The following PLB1 variants were observed in gnomAD, a reference collection of about 807,000 sequenced individuals.
PLB1 encodes the protein phospholipase B1, also known as phospholipase B1, membrane-associated.
A neutral mutation model predicts 227.4 loss-of-function variants in PLB1; 242 were observed. That is an observed-to-expected ratio of 1.06 (90% CI 0.96 to 1.18). The LOEUF (loss-of-function observed/expected upper bound fraction) is 1.18. Ranked by LOEUF, PLB1 falls within the 50% of genes most tolerant of loss-of-function variation. PLB1 has a pLI of 0.00. For missense variants in PLB1, 1,858 were observed against 1,816.3 expected (o/e 1.02, Z -0.42); for synonymous variants, 757 against 682.2 (o/e 1.11, Z -1.71).
Position 28,579,674 on chromosome 2 carries a change from C to G in PLB1, c.1533C>G (p.Gly511=), listed in dbSNP as rs112426230. Residue 511 remains glycine (G), a synonymous_variant, in exon 23 of 58, where the codon GGC becomes GGG. Transcript: ENST00000327757. ...GGAAGATAATAACCCTGTTTATAGG[C>G]GGCAATGACCTCTGTGATTTCTGCA... ...EDWKIITLFI[G]GNDLCDFCND... 2 of 1,613,286 alleles carry G rather than the reference C, an allele frequency of 1.2e-6. No individual in the cohort carries two copies. Among genetic ancestry groups the G allele is most frequent in the Non-Finnish European group, 8.5e-7 (1 of 1,179,368 alleles).
chr2:28,638,704 G>A (rs535036978), intron 56 of PLB1, among the ~76,000 whole-genome samples: 11 of 150,804 alleles, frequency 7.3e-5, no homozygotes, highest in African/African-American at 2.4e-4. Flanking sequence ...AAAAATCAGC[G>A]TGGGAGGAAA....
chr2:28,500,229 C>A (rs181116994), intron 1 of PLB1, among the ~76,000 whole-genome samples: 3 of 152,314 alleles, frequency 2.0e-5, no homozygotes, highest in Admixed American at 1.3e-4. Context: ...ATAGTTCTCT[C>A]GGCTTTTTGT....
intron 8 of PLB1, among the ~76,000 whole-genome samples, chr2:28,530,216 T>A (rs1454276147): frequency 6.6e-6 from 1 of 152,222 alleles, no homozygotes; most frequent in Non-Finnish European, 1.5e-5. Context: ...AGTCAGCAGA[T>A]GGACTAAATG....
intron 17 of PLB1, among the ~76,000 whole-genome samples, chr2:28,555,737 C>A (rs1674973211): frequency 6.6e-6 from 1 of 152,012 alleles, no homozygotes; most frequent in South Asian, 2.1e-4. Flanking sequence ...ATCAGATGAA[C>A]AATCCCTAGG....
intron 1 of PLB1, among the ~76,000 whole-genome samples, chr2:28,515,011 C>T (rs1047883241): frequency 6.6e-6 from 1 of 151,944 alleles, no homozygotes; most frequent in African/African-American, 2.4e-5. Flanking sequence ...CTTTTGGGGC[C>T]TCAGTTTTCT....
At position 28,566,835 on chromosome 2, in the gene PLB1, G is replaced by A; in HGVS notation, c.1320G>A (p.Leu440=). 1.2e-6 allele frequency: 2 copies of A among 1,614,002 alleles called. No individual in the cohort carries two copies. The highest frequency in any genetic ancestry group is 1.6e-4 in the Middle Eastern group (1 of 6,062). ...GDENIGTVTT[L]ANILREFNPS... ...AGAACATCGGCACCGTTACCACCCT[G>A]GCGAGTGAGTACGCGGCGGCGGCCG... Residue 440 remains leucine, a synonymous_variant, in exon 20 of 58, where the codon CTG becomes CTA. Coordinates refer to ENST00000327757, the MANE Select transcript of PLB1 (RefSeq NM_153021.5).
At chr2:28,575,833 G>C (rs1378673608) in intron 21 of PLB1, among the ~76,000 whole-genome samples, 1 of 152,214 alleles carries the variant, frequency 6.6e-6, no homozygotes, top group Non-Finnish European at 1.5e-5. Flanking sequence ...TTACAGGTGT[G>C]AGCCACTGTG....
intron 4 of PLB1, among the ~76,000 whole-genome samples, chr2:28,521,641 C>A (rs952076762): frequency 1.3e-5 from 2 of 151,994 alleles, no homozygotes; most frequent in African/African-American, 2.4e-5. Context: ...AAGAAAAAGA[C>A]AAAAGGAGAA....
intron 25 of PLB1, among the ~76,000 whole-genome samples, chr2:28,584,649 TCTC>T (rs1214249140): frequency 2.0e-5 from 3 of 152,146 alleles, no homozygotes; most frequent in Admixed American, 2.0e-4. Flanking sequence ...CAGGTCACCT[TCTC>T]CTGCCACCTC....
At chr2:28,541,840 A>G in intron 13 of PLB1, 29 bp downstream of exon 13, 2 of 1,562,172 alleles carry the variant, frequency 1.3e-6, no homozygotes. Context: ...GCGTATCAAG[A>G]GTGTGGTGGG....
intron 3 of PLB1, among the ~76,000 whole-genome samples, chr2:28,519,277 T>C (rs1290860753): frequency 6.6e-6 from 1 of 152,226 alleles, no homozygotes; most frequent in Non-Finnish European, 1.5e-5. Context: ...AATGCTATTC[T>C]CTGGCAATCT....
rs768446533 is a variant in PLB1, at chr2:28,519,681, C to T, written c.185-24C>T. The T allele has an allele frequency of 7.6e-6, 12 of 1,577,266 alleles. No individual in the cohort carries two copies. The South Asian group carries it at 1.3e-4, about 17-fold the overall frequency. On this transcript the variant is annotated intron_variant, in intron 3 of 57. Transcript: ENST00000327757. ...CATGGGGAATGTAGATCTGACCTTC[C>T]TATATGGGTTCTTGTCTCCACAGTT...
intron 45 of PLB1, 142 bp from the exon 46 acceptor site, chr2:28,618,199 G>A (rs752220011): frequency 2.4e-5 from 19 of 779,724 alleles, no homozygotes; most frequent in Non-Finnish European, 3.9e-5. Flanking sequence ...TGAATGGGAG[G>A]GGCAAAACTG....
intron 44 of PLB1, among the ~76,000 whole-genome samples, chr2:28,615,022 G>A (rs953510676): frequency 1.3e-5 from 2 of 152,168 alleles, no homozygotes; most frequent in South Asian, 2.1e-4. Flanking sequence ...TGGGGCTGGG[G>A]CAAGGGAGGC....
At chr2:28,521,358 A>G (rs1200232566) in intron 4 of PLB1, among the ~76,000 whole-genome samples, 1 of 152,164 alleles carries the variant, frequency 6.6e-6, no homozygotes, top group Non-Finnish European at 1.5e-5. Flanking sequence ...TCACCACACT[A>G]TTTTCCATAG....
At chr2:28,617,894 T>G in intron 45 of PLB1, 107 bp downstream of exon 45, 2 of 1,134,846 alleles carry the variant, frequency 1.8e-6, no homozygotes, top group Non-Finnish European at 2.7e-6. Context: ...ACTTGCTAAT[T>G]CCCCTGCAGT....
chr2:28,511,965 T>TTTG (rs1668328179), intron 1 of PLB1, among the ~76,000 whole-genome samples: 1 of 150,412 alleles, frequency 6.6e-6, no homozygotes, highest in Non-Finnish European at 1.5e-5. Flanking sequence ...TTTTTTTTTT[T>TTTG]TTTTTAGTAG....
At chr2:28,568,878 C>G (rs1677520022) in intron 20 of PLB1, among the ~76,000 whole-genome samples, 1 of 152,306 alleles carries the variant, frequency 6.6e-6, no homozygotes, top group East Asian at 1.9e-4. Flanking sequence ...TGTGGTTCCT[C>G]CCTATGATAT....
intron 1 of PLB1, among the ~76,000 whole-genome samples, chr2:28,496,871 A>G (rs1435189976): frequency 1.3e-5 from 2 of 152,310 alleles, no homozygotes; most frequent in African/African-American, 4.8e-5. Flanking sequence ...TCTTCTCCAG[A>G]TGAGAGGACG....
Sources: allele counts gnomAD v4.1 joint callset (sites outside exome capture counted in the v4.1 genomes callset), GRCh38; gene constraint gnomAD v4.1.1; transcripts MANE v1.5; gene names NCBI Gene and HGNC (gene_info 2026-07-23, HGNC 2026-07-21).